The following FRMPD4 variants were observed in gnomAD, a reference collection of about 807,000 sequenced individuals.
FRMPD4 encodes FERM and PDZ domain containing 4.
In FRMPD4, 22 loss-of-function variants were observed where a neutral mutation model predicts 94.1. The ratio of observed to expected loss-of-function variants is 0.23; its 90% confidence interval spans 0.17 to 0.33. The LOEUF (loss-of-function observed/expected upper bound fraction) is 0.33. Among genes scored for constraint, FRMPD4 ranks in the 10% least tolerant of loss-of-function variants. The pLI, the probability that FRMPD4 is intolerant of heterozygous loss-of-function variation, is 1.00. For missense variants in FRMPD4, 1,111 were observed against 1,339.9 expected, an observed-to-expected ratio of 0.83 and a Z score of 2.67; for synonymous variants, 631 against 548.6, an observed-to-expected ratio of 1.15 and a Z score of -2.10.
chrX:11,963,185 G>A (rs943282201), intron 3 of FRMPD4, among the ~76,000 whole-genome samples: 1 of 112,259 alleles, frequency 8.9e-6, no homozygotes, highest in African/African-American at 3.2e-5. Flanking sequence ...AAATAATTGT[G>A]AAGCACAGGT....
At chrX:11,980,532 TA>T (rs1475057997) in intron 3 of FRMPD4, among the ~76,000 whole-genome samples, 3 of 111,940 alleles carry the variant, frequency 2.7e-5, no homozygotes, top group Non-Finnish European at 5.6e-5. Context: ...ATTAGCTGAA[TA>T]AATTAGGTTG....
intron 1 of FRMPD4, among the ~76,000 whole-genome samples, chrX:12,299,568 C>CA (rs370259462): frequency 0.053 from 4,564 of 86,634 alleles, 246 homozygotes; most frequent in African/African-American, 0.16. Flanking sequence ...CTAGAAATGA[C>CA]AAAAAAAAAA....
intron 3 of FRMPD4, among the ~76,000 whole-genome samples, chrX:12,104,076 G>A (rs945136831): frequency 1.8e-5 from 2 of 112,203 alleles, no homozygotes; most frequent in African/African-American, 3.2e-5. Context: ...GCAAGACAGA[G>A]AAAAAATGCG....
intron 2 of FRMPD4, among the ~76,000 whole-genome samples, chrX:12,562,850 G>A (rs889989002): frequency 2.7e-5 from 3 of 111,906 alleles, no homozygotes; most frequent in Non-Finnish European, 3.8e-5. Flanking sequence ...TTGTCTTGCC[G>A]TGTTGCCCAG....
chrX:12,299,059 T>C (rs935976951), intron 1 of FRMPD4, among the ~76,000 whole-genome samples: 1 of 112,211 alleles, frequency 8.9e-6, no homozygotes, highest in South Asian at 3.7e-4. Flanking sequence ...GAAGACTCAG[T>C]ACAGTCTTGC....
chrX:12,697,614 A>G (rs2060146700), intron 9 of FRMPD4, among the ~76,000 whole-genome samples: 1 of 112,386 alleles, frequency 8.9e-6, no homozygotes, highest in Non-Finnish European at 1.9e-5. Flanking sequence ...AGCTAAACCC[A>G]GTTCTGTTTA....
chrX:11,841,890 T>G (rs2053539427), intron 1 of FRMPD4, among the ~76,000 whole-genome samples: 1 of 110,183 alleles, frequency 9.1e-6, no homozygotes, highest in Non-Finnish European at 1.9e-5. Flanking sequence ...GGTCTAACGT[T>G]TAAGTCTTTA....
chrX:12,654,120 A>G (rs190311239), intron 4 of FRMPD4, among the ~76,000 whole-genome samples: 143 of 112,175 alleles, frequency 1.3e-3, no homozygotes, highest in Middle Eastern at 4.6e-3. Flanking sequence ...ATGAAAAAAA[A>G]ATGAAACCCA....
intron 1 of FRMPD4, among the ~76,000 whole-genome samples, chrX:12,349,091 C>A (rs1248800347): frequency 9.0e-6 from 1 of 111,068 alleles, no homozygotes; most frequent in African/African-American, 3.3e-5. Context: ...TGTCTCTGTC[C>A]CCCCTGGAGA....
At chrX:12,608,295 C>A (rs2059149705) in intron 2 of FRMPD4, among the ~76,000 whole-genome samples, 1 of 112,732 alleles carries the variant, frequency 8.9e-6, no homozygotes, top group East Asian at 2.8e-4. Context: ...GTATTTTGAT[C>A]TCAGTTTTCT....
At chrX:12,581,702 C>T (rs1434300189) in intron 2 of FRMPD4, among the ~76,000 whole-genome samples, 2 of 111,621 alleles carry the variant, frequency 1.8e-5, no homozygotes, top group Non-Finnish European at 3.8e-5. Flanking sequence ...CTCGGCTCGT[C>T]CTCCTCCCGC....
chrX:12,540,893 G>C (rs191685818), intron 2 of FRMPD4, among the ~76,000 whole-genome samples: 267 of 111,834 alleles, frequency 2.4e-3, no homozygotes, highest in Non-Finnish European at 3.7e-3. Flanking sequence ...AACTGTCTCT[G>C]AGACCACAGT....
Position 12,718,199 on chromosome X carries a change from G to A in FRMPD4, c.3373G>A (p.Glu1125Lys), listed in dbSNP as rs752566737. ...AAGAGCTTCTGGTCTTGGGGCAAGG[G>A]AGGCCGAAGGGAAGGAAGAAGGAGC... ...FPRASGLGAR[E>K]AEGKEEGAPD... Residue 1125 changes from glutamate (E) to lysine (K), a missense_variant, in exon 16 of 17, where the codon GAG becomes AAG. Glu to Lys is a moderately conservative substitution (Grantham distance 56, BLOSUM62 1). Around this residue, in one of 8 missense-constraint regions of FRMPD4, gnomAD observed 551 missense variants for 591.6 expected, o/e 0.93. Transcript: ENST00000675598. 4.1e-6 allele frequency: 5 copies of A among 1,211,160 alleles called. No homozygotes were observed. The South Asian group carries it at 8.8e-5, about 21-fold the overall frequency.
chrX:12,083,992 A>C (rs991804573), intron 3 of FRMPD4, among the ~76,000 whole-genome samples: 4 of 111,273 alleles, frequency 3.6e-5, no homozygotes, highest in African/African-American at 1.3e-4. Flanking sequence ...GTCAACTTTT[A>C]GTTAATGCTG....
intron 1 of FRMPD4, among the ~76,000 whole-genome samples, chrX:12,159,186 C>A (rs188581277): frequency 1.8e-5 from 2 of 112,179 alleles, no homozygotes; most frequent in East Asian, 5.6e-4. Flanking sequence ...GGCACAGGGA[C>A]CTAAATTTAG....
intron 1 of FRMPD4, among the ~76,000 whole-genome samples, chrX:12,334,610 G>GAAAAA (rs780511138): frequency 1.0e-5 from 1 of 97,986 alleles, no homozygotes; most frequent in African/African-American, 3.7e-5. Context: ...CTTCATTGGT[G>GAAAAA]AAAAAAAAAA....
At chrX:12,368,242 A>G (rs2056112930) in intron 1 of FRMPD4, among the ~76,000 whole-genome samples, 1 of 112,011 alleles carries the variant, frequency 8.9e-6, no homozygotes, top group Admixed American at 9.4e-5. Flanking sequence ...AAGGAGATGA[A>G]ATATATAAAC....
In FRMPD4 at chrX:12,721,750, AAAG is replaced by A. The variant is rs1369050205; in HGVS notation, c.5184_5186del (p.Lys1728del). On this transcript the variant is annotated inframe_deletion, in exon 17 of 17. Coordinates refer to ENST00000675598, the MANE Select transcript of FRMPD4 (RefSeq NM_001368397.1). ...TGAAAGCTGCCGAAGCAGCCACTGG[AAAG>A]AACCCTGGGGACCCTAATGTTGGAC... 1.3e-6 allele frequency: 1 copy of A among 753,445 alleles called. No homozygotes were observed. Among genetic ancestry groups the A allele is most frequent in the African/African-American group, 2.3e-5 (1 of 43,071 alleles). The allele number at this position is 753,445 out of a possible 1,213,427, so 62.1% of individuals were successfully genotyped here.
chrX:12,362,153 T>C (rs897931226), intron 1 of FRMPD4, among the ~76,000 whole-genome samples: 1 of 108,894 alleles, frequency 9.2e-6, no homozygotes, highest in Non-Finnish European at 1.9e-5. Flanking sequence ...ACTTTCTTTA[T>C]CCTACCCAAT....
Sources: allele counts gnomAD v4.1 joint callset (sites outside exome capture counted in the v4.1 genomes callset), GRCh38; gene constraint gnomAD v4.1.1; regional missense constraint gnomAD v4.1.1; transcripts MANE v1.5; gene names NCBI Gene and HGNC (gene_info 2026-07-23, HGNC 2026-07-21).